The following LARP1 variants were observed in gnomAD, a reference collection of about 807,000 sequenced individuals.
The protein encoded by LARP1 is la-related protein 1.
LARP1 carries 36 observed loss-of-function variants against 122.7 expected under a neutral mutation model. That is an observed-to-expected ratio of 0.29 (90% CI 0.22 to 0.39). The LOEUF (loss-of-function observed/expected upper bound fraction) is 0.39. Among genes scored for constraint, LARP1 ranks in the 10% least tolerant of loss-of-function variants. LARP1 has a pLI of 1.00. For synonymous variants in LARP1, 539 were observed against 528.7 expected, an observed-to-expected ratio of 1.02 and a Z score of -0.27; for missense variants, 1,040 against 1,403.6, an observed-to-expected ratio of 0.74 and a Z score of 4.14.
intron 15 of LARP1, among the ~76,000 whole-genome samples, chr5:154,807,152 A>G (rs1758853839): frequency 6.6e-6 from 1 of 152,236 alleles, no homozygotes. Context: ...GGTTCATGTC[A>G]TAGCATGCAT....
chr5:154,696,197 A>G (rs1754464350), intron 1 of LARP1, among the ~76,000 whole-genome samples: 1 of 152,040 alleles, frequency 6.6e-6, no homozygotes, highest in South Asian at 2.1e-4. Flanking sequence ...TTTCTACAAA[A>G]AATTAAAAAA....
intron 1 of LARP1, among the ~76,000 whole-genome samples, chr5:154,735,976 G>A (rs1460293765): frequency 6.6e-6 from 1 of 152,064 alleles, no homozygotes; most frequent in Non-Finnish European, 1.5e-5. Flanking sequence ...CAAGAGTGCA[G>A]TGGCACCATC....
chr5:154,782,479 C>T (rs998780986), intron 1 of LARP1, among the ~76,000 whole-genome samples: 1 of 152,096 alleles, frequency 6.6e-6, no homozygotes, highest in East Asian at 1.9e-4. Flanking sequence ...CACTGGGCCA[C>T]CTGGGTCACC....
chr5:154,755,590 G>A lies in LARP1; in HGVS notation c.-168G>A. 4.1e-6 allele frequency: 4 copies of A among 987,514 alleles called. No individual in the cohort carries two copies. The highest frequency in any genetic ancestry group is 4.8e-6 in the Non-Finnish European group (4 of 830,162). 61.2% of individuals were successfully genotyped at this position (987,514 alleles called of 1,614,324 possible). On this transcript the variant is annotated 5_prime_UTR_variant, in exon 1 of 19. Coordinates refer to ENST00000518297, the MANE Select transcript of LARP1 (RefSeq NM_033551.3). ...AGTGGGCCTCGGATTTACGGCGGCT[G>A]CATCTAACTGGGAGGGGGCCGCACC...
chr5:154,749,717 G>T (rs1052036502), intron 1 of LARP1, among the ~76,000 whole-genome samples: 10 of 152,130 alleles, frequency 6.6e-5, no homozygotes, highest in African/African-American at 2.4e-4. Flanking sequence ...CACTCACTTT[G>T]TGTCAGTATA....
chr5:154,764,612 A>C (rs1372017376), intron 1 of LARP1, among the ~76,000 whole-genome samples: 6 of 149,756 alleles, frequency 4.0e-5, no homozygotes, highest in Non-Finnish European at 7.4e-5. Context: ...AAAAAAAAAA[A>C]AAAAAAAACT....
chr5:154,814,303 C>G lies in LARP1; in HGVS notation c.*207C>G. 1 of 494,784 alleles carries G rather than the reference C, an allele frequency of 2.0e-6. No individual in the cohort carries two copies. The highest frequency in any genetic ancestry group is 3.6e-6 in the Non-Finnish European group (1 of 275,578). 30.6% of individuals were successfully genotyped at this position (494,784 alleles called of 1,614,324 possible). A position where few individuals can be genotyped will look rare whatever the true frequency, so the allele number is the denominator to read the frequency against. On this transcript the variant is annotated 3_prime_UTR_variant, in exon 19 of 19. Transcript: ENST00000518297. The stretch of plus-strand genomic sequence containing the variant: ...GCCTCTACATCCCCTTCCCCCTCCT[C>G]TCTCCATGACTCTTGACATCCTAGC...
intron 1 of LARP1, 90 bp from the exon 2 acceptor site, chr5:154,790,235 T>C (rs1757234788): frequency 9.6e-7 from 1 of 1,041,940 alleles, no homozygotes; most frequent in African/African-American, 1.6e-5. Flanking sequence ...GGTTGCTAGG[T>C]GGAGTGGGGA....
chr5:154,760,770 TA>T (rs2113588739), intron 1 of LARP1, among the ~76,000 whole-genome samples: 1 of 152,322 alleles, frequency 6.6e-6, no homozygotes, highest in African/African-American at 2.4e-5. Flanking sequence ...CTATTTCCAA[TA>T]AATAAATGGC....
At chr5:154,719,757 G>C (rs1755741658) in intron 1 of LARP1, among the ~76,000 whole-genome samples, 1 of 151,806 alleles carries the variant, frequency 6.6e-6, no homozygotes, top group African/African-American at 2.4e-5. Context: ...AGCTACACAG[G>C]AGCCTGAGGC....
intron 1 of LARP1, among the ~76,000 whole-genome samples, chr5:154,759,901 T>G (rs1754305598): frequency 1.3e-5 from 2 of 151,816 alleles, no homozygotes; most frequent in Admixed American, 1.3e-4. Flanking sequence ...TGAGTGCATT[T>G]AAGATAGGCT....
At chr5:154,801,224 C>G (rs1758327692) in intron 10 of LARP1, among the ~76,000 whole-genome samples, 1 of 152,246 alleles carries the variant, frequency 6.6e-6, no homozygotes, top group Non-Finnish European at 1.5e-5. Flanking sequence ...CGTGTTTTCT[C>G]TTGCCTTTGG....
intron 1 of LARP1, among the ~76,000 whole-genome samples, chr5:154,769,302 T>C (rs7716019): frequency 0.1 from 15,955 of 152,218 alleles, 946 homozygotes; most frequent in Admixed American, 0.15. Flanking sequence ...ACAGCTTGGC[T>C]CTTGTAGGCC....
chr5:154,688,653 CAAAAAAAA>C (rs10677648), intron 1 of LARP1, among the ~76,000 whole-genome samples: 1 of 79,484 alleles, frequency 1.3e-5, no homozygotes, highest in Non-Finnish European at 2.2e-5. Context: ...GACTCCATCT[CAAAAAAAA>C]AAAAAAAAAA....
intron 1 of LARP1, chr5:154,757,158 C>T (rs1014625174): frequency 6.6e-6 from 1 of 151,098 alleles, no homozygotes; most frequent in African/African-American, 2.4e-5. Flanking sequence ...CCCAGCATTC[C>T]TCTGCAGCCG....
chr5:154,691,135 G>T (rs1470984428), intron 1 of LARP1, among the ~76,000 whole-genome samples: 1 of 151,742 alleles, frequency 6.6e-6, no homozygotes, highest in African/African-American at 2.4e-5. Flanking sequence ...GGTGGCGGGC[G>T]CCTGTAGTCC....
At chr5:154,754,672 G>A (rs772687006), upstream of LARP1, among the ~76,000 whole-genome samples, 1 of 152,246 alleles carries the variant, frequency 6.6e-6, no homozygotes, top group Non-Finnish European at 1.5e-5. Flanking sequence ...CTAAAGACTC[G>A]CTTTCCAGGC....
intron 8 of LARP1, among the ~76,000 whole-genome samples, chr5:154,795,987 T>A (rs187917247): frequency 2.0e-4 from 20 of 100,550 alleles, no homozygotes; most frequent in Admixed American, 6.2e-4. Flanking sequence ...ATTTATATAT[T>A]ATATATTTTT....
intron 1 of LARP1, among the ~76,000 whole-genome samples, chr5:154,730,313 C>T (rs113431653): frequency 0.019 from 2,924 of 151,844 alleles, 89 homozygotes; most frequent in African/African-American, 0.067. Context: ...CTCAGCCTCC[C>T]GAGTAGCTGC....
Sources: allele counts gnomAD v4.1 joint callset (sites outside exome capture counted in the v4.1 genomes callset), GRCh38; gene constraint gnomAD v4.1.1; transcripts MANE v1.5; gene names NCBI Gene and HGNC (gene_info 2026-07-23, HGNC 2026-07-21).